The following CRIM1 variants were observed in gnomAD, a reference collection of about 807,000 sequenced individuals.
CRIM1 encodes the protein cysteine rich transmembrane BMP regulator 1, also known as cysteine-rich motor neuron 1 protein.
CRIM1 carries 32 observed loss-of-function variants against 116.4 expected under a neutral mutation model. The ratio of observed to expected loss-of-function variants is 0.27; its 90% CI spans 0.21 to 0.37. The LOEUF (loss-of-function observed/expected upper bound fraction) is 0.37, where lower values mean the gene tolerates loss of function less well. CRIM1 is among the 10% of genes least tolerant of loss of function. The pLI is 1.00. For missense variants in CRIM1, 1,331 were observed against 1,354.8 expected (o/e 0.98, Z 0.28); for synonymous variants, 590 against 509.2 (o/e 1.16, Z -2.13).
At chr2:36,545,226 G>T (rs1313995930) in intron 15 of CRIM1, among the ~76,000 whole-genome samples, 1 of 152,146 alleles carries the variant, frequency 6.6e-6, no homozygotes, top group African/African-American at 2.4e-5. Context: ...TTGCTTGAGA[G>T]AGATTAATTG....
chr2:36,415,153 T>A (rs752528419), intron 2 of CRIM1, among the ~76,000 whole-genome samples: 2 of 151,996 alleles, frequency 1.3e-5, no homozygotes, highest in Non-Finnish European at 1.5e-5. Context: ...GGGGTGAGGT[T>A]GGGGGTAGAC....
At chr2:36,402,232 T>C (rs1168109062) in intron 2 of CRIM1, among the ~76,000 whole-genome samples, 1 of 152,112 alleles carries the variant, frequency 6.6e-6, no homozygotes, top group African/African-American at 2.4e-5. Context: ...AGAGAATTAC[T>C]TGGAAAATTG....
chr2:36,537,219 A>G (rs1572956307), intron 13 of CRIM1, 133 bp from the exon 14 acceptor site: 1 of 839,142 alleles, frequency 1.2e-6, no homozygotes, highest in Middle Eastern at 3.5e-4. Context: ...TAGGGAAACA[A>G]AAGTTTCACC....
At chr2:36,453,457 G>A (rs73924837) in intron 4 of CRIM1, among the ~76,000 whole-genome samples, 5,434 of 152,190 alleles carry the variant, frequency 0.036, 338 homozygotes, top group African/African-American at 0.12. Context: ...ATTCTTTGAG[G>A]GCAAGGACCC....
chr2:36,475,346 T>A (rs1678887116), intron 5 of CRIM1, among the ~76,000 whole-genome samples: 1 of 152,280 alleles, frequency 6.6e-6, no homozygotes, highest in Non-Finnish European at 1.5e-5. Context: ...TACTTTTTGA[T>A]GCTATTGTGA....
At chr2:36,357,042 A>G (rs939784989) in intron 1 of CRIM1, among the ~76,000 whole-genome samples, 25 of 152,252 alleles carry the variant, frequency 1.6e-4, no homozygotes, top group African/African-American at 6.0e-4. Flanking sequence ...GCAGTGTGGC[A>G]CCGTGAGCCG....
At chr2:36,439,736 C>T (rs113062381) in intron 2 of CRIM1, among the ~76,000 whole-genome samples, 3,529 of 152,236 alleles carry the variant, frequency 0.023, 52 homozygotes, top group Non-Finnish European at 0.037. Flanking sequence ...AACTGCTACC[C>T]ACTTCTTCTA....
chr2:36,356,471 G>C lies in CRIM1; in HGVS notation c.179G>C (p.Cys60Ser). 1 of 1,611,790 alleles carries C rather than the reference G, an allele frequency of 6.2e-7. No homozygotes were observed. Among genetic ancestry groups the C allele is most frequent in the Non-Finnish European group, 8.5e-7 (1 of 1,179,720 alleles). ...NCPGSIVQGV[C>S]GCCYTCASQR... ...CCGGGGAGCATCGTGCAGGGCGTCT[G>C]CGGCTGCTGCTACACGTGCGCCAGC... The change falls in exon 1 of 17, where the codon TGC (cysteine) becomes TCC (serine). Residue 60 changes from cysteine (C) to serine (S), a missense_variant. Cys to Ser is a moderately radical substitution (Grantham distance 112, BLOSUM62 -1). This residue lies in a region of CRIM1 where 690 missense variants were observed against 676.0 expected (regional missense o/e 1.02). Coordinates refer to ENST00000280527, the MANE Select transcript of CRIM1 (RefSeq NM_016441.3). The surrounding 1 kb of genome is among the most constrained non-coding windows in gnomAD (Gnocchi z 4.3).
chr2:36,434,187 T>C (rs1675113109), intron 2 of CRIM1, among the ~76,000 whole-genome samples: 1 of 152,240 alleles, frequency 6.6e-6, no homozygotes, highest in Non-Finnish European at 1.5e-5. Context: ...AATAAAAGTT[T>C]TAAGAACAAA....
chr2:36,378,077 T>C (rs1572592123), intron 1 of CRIM1, among the ~76,000 whole-genome samples: 1 of 152,226 alleles, frequency 6.6e-6, no homozygotes, highest in East Asian at 1.9e-4. Context: ...TTAACGAGAC[T>C]TTACCCTTTC....
Position 36,433,997 on chromosome 2 carries a change from A to G in CRIM1, c.506-7261A>G, listed in dbSNP as rs974764410. ...ATGAAATATTTCTGGGACTGTATCA[A>G]CAAGTCTAATTTTTTCCCCTTGGGG... On this transcript the variant is annotated intron_variant, in intron 2 of 16. Transcript: ENST00000280527. 2.0e-5 allele frequency among the ~76,000 whole-genome samples: 3 copies of G among 152,184 alleles called. No individual in the cohort carries two copies. The East Asian group carries it at 5.8e-4, about 29-fold the overall frequency.
chr2:36,506,133 G>GCACACACACACACA (rs142839402), intron 8 of CRIM1, among the ~76,000 whole-genome samples: 1 of 136,422 alleles, frequency 7.3e-6, no homozygotes, highest in Admixed American at 7.4e-5. Context: ...ATTGCAGGGT[G>GCACACACACACACA]CACACACACA....
intron 12 of CRIM1, 81 bp downstream of exon 12, chr2:36,517,623 C>T: frequency 7.1e-7 from 1 of 1,399,140 alleles, no homozygotes; most frequent in Non-Finnish European, 9.8e-7. Context: ...ACCCACAGGG[C>T]AGGATCAGCC....
At chr2:36,366,962 TTTATAAGTCTG>T (rs1669644970) in intron 1 of CRIM1, among the ~76,000 whole-genome samples, 1 of 152,216 alleles carries the variant, frequency 6.6e-6, no homozygotes, top group South Asian at 2.1e-4. Context: ...TGTGTGTGTG[TTTATAAGTCTG>T]TAGAGACAGA....
At chr2:36,492,729 G>A (rs1416545353) in intron 7 of CRIM1, among the ~76,000 whole-genome samples, 1 of 152,098 alleles carries the variant, frequency 6.6e-6, no homozygotes, top group Non-Finnish European at 1.5e-5. Context: ...TTATGGCCCT[G>A]GCTAGGAGAC....
intron 4 of CRIM1, among the ~76,000 whole-genome samples, chr2:36,452,362 T>C (rs1483628737): frequency 1.3e-5 from 2 of 152,166 alleles, no homozygotes; most frequent in Non-Finnish European, 2.9e-5. Flanking sequence ...AATTTGGAAG[T>C]GTATTTGAAG....
At chr2:36,398,102 A>G (rs549977407) in intron 2 of CRIM1, among the ~76,000 whole-genome samples, 18 of 152,380 alleles carry the variant, frequency 1.2e-4, no homozygotes, top group African/African-American at 4.3e-4. Flanking sequence ...TTAGGGATAT[A>G]GATGACGTGA....
At chr2:36,391,334 T>G (rs1196593866) in intron 1 of CRIM1, among the ~76,000 whole-genome samples, 1 of 151,438 alleles carries the variant, frequency 6.6e-6, no homozygotes, top group Non-Finnish European at 1.5e-5. Context: ...TTCACCGTGT[T>G]AGCCAGGATG....
rs1297483229 is a variant in CRIM1 at position 36,502,656 on chromosome 2, A to G, written c.1501+3309A>G. ...AAAGTCTTCTGTAGCATAAACACTC[A>G]TGAAATATCACTACTTTAAGCCAAA... On this transcript the variant is annotated intron_variant, in intron 8 of 16. Transcript: ENST00000280527. Among the ~76,000 whole-genome samples the G allele has an allele frequency of 1.1e-4, 16 of 152,184 alleles. 1 individual carries two copies. The highest frequency in any genetic ancestry group is 7.9e-4 in the Admixed American group (12 of 15,270).
Sources: allele counts gnomAD v4.1 joint callset (sites outside exome capture counted in the v4.1 genomes callset), GRCh38; gene constraint gnomAD v4.1.1; regional missense constraint gnomAD v4.1.1; non-coding constraint Gnocchi (gnomAD v3.1); transcripts MANE v1.5; gene names NCBI Gene and HGNC (gene_info 2026-07-23, HGNC 2026-07-21).